KDR: variants seen among roughly 807,000 people sequenced by gnomAD.
KDR encodes the protein vascular endothelial growth factor receptor 2.
Under a neutral mutation model 160.9 loss-of-function variants are expected in KDR, and 43 were observed. The observed-to-expected ratio is 0.27, with a 90% CI of 0.21 to 0.34. The LOEUF (loss-of-function observed/expected upper bound fraction) is 0.34. KDR is among the 10% of genes least tolerant of loss of function. The probability of loss-of-function intolerance (pLI) is 1.00; values close to 1 mark genes in which losing one functional copy is unlikely to be tolerated. For missense variants in KDR, 1,469 were observed against 1,666.4 expected (o/e 0.88, Z 2.06); for synonymous variants, 617 against 600.1 (o/e 1.03, Z -0.41).
intron 21 of KDR, among the ~76,000 whole-genome samples, chr4:55,094,163 C>T (rs530838838): frequency 7.2e-5 from 11 of 152,166 alleles, no homozygotes; most frequent in Non-Finnish European, 1.2e-4. Context: ...GAGCCGAGAT[C>T]GCACCATTGC....
At chr4:55,121,241 T>C (rs760830551) in intron 1 of KDR, 51 bp from the exon 2 acceptor site, 10 of 1,274,468 alleles carry the variant, frequency 7.8e-6, no homozygotes, top group Non-Finnish European at 1.1e-5. Flanking sequence ...TTAGACCTAA[T>C]AGGAAACACC....
intron 18 of KDR, 36 bp from the exon 19 acceptor site, chr4:55,096,378 T>TG (rs3214870): frequency 0.23 from 339,622 of 1,453,420 alleles, 42,701 homozygotes; most frequent in East Asian, 0.43. Context: ...ATCATAGGTA[T>TG]GGACATTTCC....
chr4:55,096,960 C>T (rs1720170867), intron 18 of KDR, among the ~76,000 whole-genome samples: 1 of 152,008 alleles, frequency 6.6e-6, no homozygotes, highest in Non-Finnish European at 1.5e-5. Context: ...CCCTTGGCCA[C>T]AAGAGAAAAA....
chr4:55,122,247 G>A (rs1720899605), intron 1 of KDR, among the ~76,000 whole-genome samples: 1 of 152,114 alleles, frequency 6.6e-6, no homozygotes, highest in African/African-American at 2.4e-5. Context: ...TCAACTAAAT[G>A]TGAAGAGCTA....
intron 7 of KDR, 100 bp from the exon 8 acceptor site, chr4:55,110,868 A>T: frequency 1.1e-6 from 1 of 902,830 alleles, no homozygotes; most frequent in Non-Finnish European, 1.8e-6. Context: ...TGAGGGTCTG[A>T]GTAGCTGCAG....
At chr4:55,084,076 C>T (rs1452004427) in intron 27 of KDR, among the ~76,000 whole-genome samples, 1 of 152,208 alleles carries the variant, frequency 6.6e-6, no homozygotes, top group Non-Finnish European at 1.5e-5. Context: ...CGGTACCTCT[C>T]TAGGGGTGAG....
Position 55,082,045 on chromosome 4 carries a change from T to C in KDR, c.3763-4A>G. On this transcript the variant is annotated splice_polypyrimidine_tract_variant and splice_region_variant and intron_variant, in intron 28 of 29. Transcript: ENST00000263923. ...TACCACTGTCCGTCTGGTTGTCCTT[T>C]TTAAGAGACAATGAGATGGCACAGT... is the stretch of plus-strand genomic sequence containing the variant. 6.2e-7 allele frequency: 1 copy of C among 1,606,184 alleles called. No homozygotes were observed.
rs758877144 is a variant in KDR at position 55,115,058 on chromosome 4, A to T, written c.490-16T>A. On this transcript the variant is annotated splice_polypyrimidine_tract_variant and intron_variant, in intron 4 of 29. Transcript: ENST00000263923. ...CTGGGTATCTCTGGGTAATAAAAAG[A>T]CATATCAAATATTTAATCCAGTACC... 6.2e-7 allele frequency: 1 copy of T among 1,604,792 alleles called. No homozygotes were observed. Among genetic ancestry groups the T allele is most frequent in the Non-Finnish European group, 8.5e-7 (1 of 1,172,046 alleles).
chr4:55,085,896 T>G (rs570843296), intron 27 of KDR, among the ~76,000 whole-genome samples: 1 of 152,248 alleles, frequency 6.6e-6, no homozygotes, highest in East Asian at 1.9e-4. Flanking sequence ...CATGATTTCT[T>G]CTCCTGCTCA....
chr4:55,107,399 A>G (rs1018063947), intron 10 of KDR, among the ~76,000 whole-genome samples: 1 of 152,160 alleles, frequency 6.6e-6, no homozygotes, highest in Non-Finnish European at 1.5e-5. Context: ...CTTCACACAC[A>G]CAAGAAGGAG....
rs1432307294 is a variant in KDR, at chr4:55,101,932, C to T, written c.2231G>A (p.Gly744Asp). Residue 744 changes from glycine to aspartate, a missense_variant, in exon 15 of 30, where the codon GGC becomes GAC. Around this residue, in one of 7 missense-constraint regions of KDR, gnomAD observed 39 missense variants for 72.1 expected, o/e 0.54. Coordinates refer to ENST00000263923, the MANE Select transcript of KDR (RefSeq NM_002253.4). ...LYTCQACSVL[G>D]CAKVEAFFII... ...GAAAAATGCCTCCACTTTTGCACAG[C>T]CAAGAACACTGCATGCCTGGCAGGT... 6.2e-7 allele frequency: 1 copy of T among 1,613,694 alleles called. No individual in the cohort carries two copies. The highest frequency in any genetic ancestry group is 1.1e-5 in the South Asian group (1 of 91,076).
At chr4:55,104,447 T>C in intron 13 of KDR, 196 bp downstream of exon 13, 1 of 620,612 alleles carries the variant, frequency 1.6e-6, no homozygotes, top group South Asian at 1.9e-5. Flanking sequence ...TCATCAGGTT[T>C]TGTTATTTTC....
Position 55,094,879 on chromosome 4 carries a change from C to T in KDR, c.2894G>A (p.Ser965Asn), listed in dbSNP as rs774666756. ...GGCTGAGCTCTGGCTACTGGTGATG[C>T]TGTCCAAGCGCCGTTTCAGATCCAC... Reference protein sequence around the residue: ...IPVDLKRRLDSITSSQSSASS... With the variant: ...IPVDLKRRLDNITSSQSSASS... The change falls in exon 21 of 30, where the codon AGC becomes AAC. Residue 965 changes from serine to asparagine, a missense_variant. Coordinates refer to ENST00000263923, the MANE Select transcript of KDR (RefSeq NM_002253.4). 2 of 1,613,880 alleles carry T rather than the reference C, an allele frequency of 1.2e-6. No individual in the cohort carries two copies.
chr4:55,102,994 G>C (rs1056418116), intron 13 of KDR, among the ~76,000 whole-genome samples: 1 of 152,152 alleles, frequency 6.6e-6, no homozygotes, highest in African/African-American at 2.4e-5. Flanking sequence ...GAGCAGAATA[G>C]GACTGTTAGC....
intron 16 of KDR, 116 bp downstream of exon 16, chr4:55,098,581 A>T (rs1720221470): frequency 4.9e-6 from 4 of 823,128 alleles, no homozygotes; most frequent in Non-Finnish European, 6.3e-6. Flanking sequence ...GTATTGAAAT[A>T]AAAATGTGCC....
chr4:55,096,168 T>G, intron 19 of KDR, 61 bp downstream of exon 19: 1 of 916,610 alleles, frequency 1.1e-6, no homozygotes, highest in East Asian at 2.4e-5. Flanking sequence ...CTGCTTTCCC[T>G]CAAACACTAT....
chr4:55,103,603 G>T (rs2110022055), intron 13 of KDR, among the ~76,000 whole-genome samples: 1 of 152,220 alleles, frequency 6.6e-6, no homozygotes, highest in East Asian at 1.9e-4. Context: ...GGATGCTGGG[G>T]ATGACTTGAC....
At chr4:55,099,118 C>T (rs1253577122) in intron 15 of KDR, among the ~76,000 whole-genome samples, 4 of 151,876 alleles carry the variant, frequency 2.6e-5, no homozygotes, top group South Asian at 2.1e-4. Flanking sequence ...TAGGCTCAAG[C>T]GATTCTCCCC....
rs763305770 is a variant in KDR at position 55,121,084 on chromosome 4, A to C, written c.161+13T>G. The C allele has an allele frequency of 3.2e-6, 5 of 1,557,210 alleles. No homozygotes were observed. Among genetic ancestry groups the C allele is most frequent in the Non-Finnish European group, 3.5e-6 (4 of 1,128,506 alleles). On this transcript the variant is annotated intron_variant, in intron 2 of 29. Transcript: ENST00000263923. ...CTTAACACAAGAAATCTAGATCTAGAATGAATCCTTACCTGCAAGTAATTT... is the reference window on the plus strand; with the variant it reads ...CTTAACACAAGAAATCTAGATCTAGCATGAATCCTTACCTGCAAGTAATTT...
Sources: gnomAD v4.1 joint callset for allele counts (sites outside exome capture counted in the v4.1 genomes callset) on GRCh38, gnomAD v4.1.1 for gene constraint, gnomAD v4.1.1 regional missense constraint, MANE v1.5 for transcripts, NCBI Gene and HGNC (gene_info 2026-07-23, HGNC 2026-07-21) for gene names.